The following SPG21 variants were observed in gnomAD, a reference collection of about 807,000 sequenced individuals.
The protein encoded by SPG21 is maspardin.
In SPG21, 26 loss-of-function variants were observed where a neutral mutation model predicts 38.9. The observed-to-expected ratio is 0.67, with a 90% CI of 0.49 to 0.93. The LOEUF is 0.93. Among genes scored for constraint, SPG21 ranks in the 40% least tolerant of loss-of-function variants. The pLI is 0.00. For missense variants in SPG21, 333 were observed against 376.5 expected, an observed-to-expected ratio of 0.88 and a Z score of 0.96; for synonymous variants, 136 against 128.9, an observed-to-expected ratio of 1.05 and a Z score of -0.37.
At chr15:64,970,548 T>G (rs970318502) in intron 5 of SPG21, among the ~76,000 whole-genome samples, 1 of 152,192 alleles carries the variant, frequency 6.6e-6, no homozygotes, top group African/African-American at 2.4e-5. Flanking sequence ...ACTATTTCTT[T>G]TGGAAAACTG....
At chr15:64,965,676 T>G (rs1315464867) in intron 7 of SPG21, among the ~76,000 whole-genome samples, 1 of 152,100 alleles carries the variant, frequency 6.6e-6, no homozygotes, top group African/African-American at 2.4e-5. Context: ...CCGAAGACAT[T>G]AGCTACAGAT....
chr15:64,978,232 G>A (rs956336520), intron 3 of SPG21, among the ~76,000 whole-genome samples: 2 of 151,766 alleles, frequency 1.3e-5, no homozygotes, highest in Non-Finnish European at 2.9e-5. Flanking sequence ...TGAATCACTT[G>A]AGGTCAGGAG....
At chr15:64,987,236 G>C (rs1378225477) in intron 1 of SPG21, 1 of 152,214 alleles carries the variant, frequency 6.6e-6, no homozygotes, top group Non-Finnish European at 1.5e-5. Context: ...AATCTTACAA[G>C]ATGGAGAGAT....
chr15:64,970,333 A>C lies in SPG21; in HGVS notation c.453-111T>G, dbSNP rs2085637060. 25 of 903,514 alleles carry C rather than the reference A, an allele frequency of 2.8e-5. 1 individual carries two copies. In the South Asian group the frequency reaches 3.4e-4, roughly 12 times the overall value. The allele number at this position is 903,514 out of a possible 1,614,324, so 56.0% of individuals were successfully genotyped here. On this transcript the variant is annotated intron_variant, in intron 5 of 8. Transcript: ENST00000204566. ...TGGGATCTAGAAATAAAAAGTCCTA[A>C]TCCCCTCCTCCAAAGAGCTCAGCAT...
intron 4 of SPG21, 50 bp downstream of exon 4, chr15:64,976,424 CA>C: frequency 7.1e-7 from 1 of 1,411,094 alleles, no homozygotes; most frequent in Non-Finnish European, 1.0e-6. Flanking sequence ...GACTTCATCT[CA>C]AAAAATAAAA....
At position 64,969,300 on chromosome 15, in the gene SPG21, A is replaced by G. The variant is rs775026384; in HGVS notation, c.624T>C (p.Tyr208=). 6.2e-7 allele frequency: 1 copy of G among 1,614,190 alleles called. No homozygotes were observed. Among genetic ancestry groups the G allele is most frequent in the Non-Finnish European group, 8.5e-7 (1 of 1,180,014 alleles). Reference sequence around the variant, plus strand: ...TGTCCCGAATTTTATGAGGTTCCACATAAGAATTTTGACAATTCAAGGTAA... The same window carrying G: ...TGTCCCGAATTTTATGAGGTTCCACGTAAGAATTTTGACAATTCAAGGTAA... ...SRLTLNCQNS[Y]VEPHKIRDIP... is the part of the protein sequence containing the mutation. The change falls in exon 7 of 9, where the codon TAT becomes TAC. Residue 208 remains tyrosine (Y), a synonymous_variant. Coordinates refer to ENST00000204566, the MANE Select transcript of SPG21 (RefSeq NM_016630.7).
intron 4 of SPG21, among the ~76,000 whole-genome samples, chr15:64,975,287 T>TAAA (rs35446656): frequency 1.2e-5 from 1 of 80,428 alleles, no homozygotes; most frequent in East Asian, 3.5e-4. Context: ...GACTCCGTCT[T>TAAA]AAAAAAAAAA....
At chr15:64,980,669 C>T (rs1405072630) in intron 3 of SPG21, among the ~76,000 whole-genome samples, 195 bp downstream of exon 3, 2 of 151,908 alleles carry the variant, frequency 1.3e-5, no homozygotes, top group African/African-American at 2.4e-5. Flanking sequence ...ACCCGGGAGA[C>T]GGAGGTTGCA....
Position 64,969,364 on chromosome 15 carries a change from T to C in SPG21, c.562-2A>G, listed in dbSNP as rs1220702545. On this transcript the variant is annotated splice_acceptor_variant, in intron 6 of 8. Coordinates refer to ENST00000204566, the MANE Select transcript of SPG21 (RefSeq NM_016630.7). LOFTEE classifies it high-confidence loss of function. The stretch of plus-strand genomic sequence containing the variant: ...TTCACTCTGACCCAAACTTTCTAGC[T>C]GCAGGAAGAAACACAGGTAAAGTTT... The C allele has an allele frequency of 1.9e-6, 3 of 1,603,010 alleles. No individual in the cohort carries two copies. In the African/African-American group the frequency reaches 4.0e-5, roughly 21 times the overall value.
Position 64,976,635 on chromosome 15 carries a change from C to CA in SPG21, c.226-81dup, listed in dbSNP as rs2085780759. The CA allele has an allele frequency of 3.7e-6, 4 of 1,081,920 alleles. No homozygotes were observed. In the South Asian group the frequency reaches 4.0e-5, roughly 11 times the overall value. The allele number at this position is 1,081,920 out of a possible 1,614,324, so 67.0% of individuals were successfully genotyped here. On this transcript the variant is annotated intron_variant, in intron 3 of 8. Transcript: ENST00000204566. ...TCACGTATTTGAAAAACTTAGGACTCAAACACTGACATTTCTCGTTTGCTC... is the reference window on the plus strand; with the variant it reads ...TCACGTATTTGAAAAACTTAGGACTCAAAACACTGACATTTCTCGTTTGCTC...
In SPG21 at chr15:64,970,064, G is replaced by T. The variant is rs749108678; in HGVS notation, c.561+50C>A. On this transcript the variant is annotated intron_variant, in intron 6 of 8. Coordinates refer to ENST00000204566, the MANE Select transcript of SPG21 (RefSeq NM_016630.7). ...ATCTATCTTCTGGAACCAAGTAGAT[G>T]TGAAAATTCCCAATACAATGTGTCC... The T allele has an allele frequency of 9.8e-6, 14 of 1,424,316 alleles. No individual in the cohort carries two copies. In the Admixed American group the frequency reaches 1.0e-4, roughly 10 times the overall value. 88.2% of individuals were successfully genotyped at this position (1,424,316 alleles called of 1,614,324 possible).
chr15:64,982,376 G>A (rs2085901892), intron 2 of SPG21, among the ~76,000 whole-genome samples: 1 of 151,932 alleles, frequency 6.6e-6, no homozygotes, highest in African/African-American at 2.4e-5. Context: ...AAATTCCTAG[G>A]CTCAAGCAAT....
intron 5 of SPG21, among the ~76,000 whole-genome samples, chr15:64,970,543 T>C (rs1462233856): frequency 6.6e-6 from 1 of 152,198 alleles, no homozygotes; most frequent in Non-Finnish European, 1.5e-5. Context: ...ATTAAACTAT[T>C]TCTTTTGGAA....
chr15:64,973,260 AC>A (rs1376127584), intron 5 of SPG21, among the ~76,000 whole-genome samples: 4 of 152,054 alleles, frequency 2.6e-5, no homozygotes, highest in Non-Finnish European at 5.9e-5. Flanking sequence ...GAGCCATCAC[AC>A]CTGGCCACTG....
chr15:64,984,979 G>A (rs993179024), intron 1 of SPG21, among the ~76,000 whole-genome samples: 4 of 151,862 alleles, frequency 2.6e-5, no homozygotes, highest in African/African-American at 9.7e-5. Flanking sequence ...TTGAGCTCCT[G>A]ACCTCATGAT....
In SPG21 at chr15:64,969,328, C is replaced by G; in HGVS notation, c.596G>C (p.Arg199Thr). The stretch of plus-strand genomic sequence containing the variant: ...AGAATTTTGACAATTCAAGGTAAGT[C>G]TTGAAGCCAGTTCACTCTGACCCAA... ...ESLGQSELASRLTLNCQNSYV... is the reference protein window; with the variant it reads ...ESLGQSELASTLTLNCQNSYV... The change falls in exon 7 of 9, where the codon AGA (arginine) becomes ACA (threonine). Residue 199 changes from arginine (R) to threonine (T), a missense_variant. Physicochemically the swap from Arg to Thr is moderately conservative, Grantham distance 71 (BLOSUM62 -1). Transcript: ENST00000204566. The G allele has an allele frequency of 6.2e-7, 1 of 1,614,134 alleles. No homozygotes were observed. Among genetic ancestry groups the G allele is most frequent in the Non-Finnish European group, 8.5e-7 (1 of 1,179,996 alleles).
chr15:64,971,366 C>T (rs961887441), intron 5 of SPG21, among the ~76,000 whole-genome samples: 1 of 151,824 alleles, frequency 6.6e-6, no homozygotes. Context: ...GGTGAAACCC[C>T]GTCTCCACTA....
intron 7 of SPG21, among the ~76,000 whole-genome samples, chr15:64,967,870 G>C (rs1595867758): frequency 6.6e-6 from 1 of 152,090 alleles, no homozygotes; most frequent in Admixed American, 6.6e-5. Flanking sequence ...GCCTCCCAAA[G>C]TGCTGGGATT....
Position 64,963,527 on chromosome 15 carries a change from G to A in SPG21, c.*93C>T, listed in dbSNP as rs1019149259. 7.2e-5 allele frequency: 75 copies of A among 1,042,212 alleles called. 1 individual carries two copies. Among genetic ancestry groups the A allele is most frequent in the Admixed American group, 6.5e-4 (38 of 58,364 alleles). 64.6% of individuals were successfully genotyped at this position (1,042,212 alleles called of 1,614,324 possible). ...CACAGTGAGAACCGGTGAGCCTGAC[G>A]AACCTGAAGGAAAAGGCTGGCTGAC... On this transcript the variant is annotated 3_prime_UTR_variant, in exon 9 of 9. Transcript: ENST00000204566.
Sources: allele counts gnomAD v4.1 joint callset (sites outside exome capture counted in the v4.1 genomes callset), GRCh38; gene constraint gnomAD v4.1.1; transcripts MANE v1.5; gene names NCBI Gene and HGNC (gene_info 2026-07-23, HGNC 2026-07-21).